The following EXTL1 variants were observed in gnomAD, a reference collection of about 807,000 sequenced individuals.
EXTL1 encodes exostosin like glycosyltransferase 1.
EXTL1 carries 43 observed loss-of-function variants against 64.6 expected under a neutral mutation model. The observed-to-expected ratio is 0.67, with a 90% CI of 0.52 to 0.86. The LOEUF is 0.86. Among genes scored for constraint, EXTL1 ranks in the 40% least tolerant of loss-of-function variants. The pLI is 0.00. For missense variants in EXTL1, 766 were observed against 879.0 expected (o/e 0.87, Z 1.62); for synonymous variants, 352 against 360.5 (o/e 0.98, Z 0.27).
chr1:26,030,330 C>CTTTT (rs1213800896), intron 3 of EXTL1, 146 bp from the exon 4 acceptor site: 67 of 381,858 alleles, frequency 1.8e-4, no homozygotes, highest in African/African-American at 7.9e-4. Flanking sequence ...CTGAATGCTT[C>CTTTT]TTTTTTTTTT....
At chr1:26,032,603 A>G in intron 7 of EXTL1, 118 bp downstream of exon 7, 1 of 682,194 alleles carries the variant, frequency 1.5e-6, no homozygotes, top group African/African-American at 1.8e-5. Flanking sequence ...GAAGAATGAC[A>G]CAGTAGGTTT....
chr1:26,030,671 C>A, intron 4 of EXTL1, 76 bp downstream of exon 4: 1 of 1,489,352 alleles, frequency 6.7e-7, no homozygotes, highest in Non-Finnish European at 9.0e-7. Context: ...TACTTCTCTG[C>A]CACAGTGTTT....
At chr1:26,032,560 A>G (rs2050299381) in intron 7 of EXTL1, 75 bp downstream of exon 7, 1 of 1,169,298 alleles carries the variant, frequency 8.6e-7, no homozygotes, top group Non-Finnish European at 1.2e-6. Flanking sequence ...GGGGTGTTTT[A>G]TGAATACTTG....
In EXTL1 at chr1:26,033,814, A is replaced by G; in HGVS notation, c.1637A>G (p.Asn546Ser). The change falls in exon 9 of 11, where the codon AAC (asparagine) becomes AGC (serine). Residue 546 changes from asparagine (N) to serine (S), a missense_variant. By Grantham distance (46) the Asn-to-Ser change is conservative (BLOSUM62 1). This residue lies in a region of EXTL1 where 194 missense variants were observed against 214.5 expected (regional missense o/e 0.90). Transcript: ENST00000374280. The surrounding 1 kb of genome is among the most constrained non-coding windows in gnomAD (Gnocchi z 5.1). The stretch of plus-strand genomic sequence containing the variant: ...TGGGGCTACACTGCTGAGAGGACCA[A>G]CGAATTCTCCATGGTTCTCACCACA... ...GGWGYTAERT[N>S]EFSMVLTTAA... The G allele has an allele frequency of 1.2e-6, 2 of 1,614,102 alleles. No individual in the cohort carries two copies. The highest frequency in any genetic ancestry group is 2.2e-5 in the East Asian group (1 of 44,880).
At position 26,035,703 on chromosome 1, in the gene EXTL1, T is replaced by C. The variant is rs2802315; in HGVS notation, c.*356T>C. On this transcript the variant is annotated 3_prime_UTR_variant, in exon 11 of 11. Coordinates refer to ENST00000374280, the MANE Select transcript of EXTL1 (RefSeq NM_004455.3). The surrounding 1 kb of genome is among the most constrained non-coding windows in gnomAD (Gnocchi z 5.3). Reference sequence around the variant, plus strand: ...TTCGGTCTCCTTTGCGCTTTCGCAGTCCAGTGTTTGCCGCGGTTCCCGCAC... The same window carrying C: ...TTCGGTCTCCTTTGCGCTTTCGCAGCCCAGTGTTTGCCGCGGTTCCCGCAC... The C allele has an allele frequency of 0.68, 151,555 of 221,412 alleles. 53,042 individuals carry two copies. The highest frequency in any genetic ancestry group is 0.9 in the East Asian group (9,385 of 10,484). The allele number at this position is 221,412 out of a possible 1,614,324, so 13.7% of individuals were successfully genotyped here. A position where few individuals can be genotyped will look rare whatever the true frequency, so the allele number is the denominator to read the frequency against.
chr1:26,034,768 G>A lies in EXTL1; in HGVS notation c.1680-68G>A. On this transcript the variant is annotated intron_variant, in intron 9 of 10. Transcript: ENST00000374280. This position sits in a 1 kb window ranked among gnomAD's most constrained non-coding sequence, Gnocchi z 4.6. ...GGGTCAAAGGGAGAGGTGAGGTCAG[G>A]AGGGAGGAGAATGGGGCCTGGGGAT... 6.6e-7 allele frequency: 1 copy of A among 1,517,020 alleles called. No individual in the cohort carries two copies. Among genetic ancestry groups the A allele is most frequent in the Non-Finnish European group, 9.1e-7 (1 of 1,104,688 alleles). 94.0% of individuals were successfully genotyped at this position (1,517,020 alleles called of 1,614,324 possible).
In EXTL1 at chr1:26,031,274, G is replaced by A; in HGVS notation, c.1234+10G>A. 1 of 1,612,484 alleles carries A rather than the reference G, an allele frequency of 6.2e-7. No individual in the cohort carries two copies. Among genetic ancestry groups the A allele is most frequent in the East Asian group, 2.2e-5 (1 of 44,858 alleles). ...TACTACCTGCAACAGGGTATGCCCTGGGGATGGGACAACCTGAAGTCCCCT... is the reference window on the plus strand; with the variant it reads ...TACTACCTGCAACAGGGTATGCCCTAGGGATGGGACAACCTGAAGTCCCCT... On this transcript the variant is annotated intron_variant, in intron 5 of 10. Transcript: ENST00000374280.
rs747367621 is a variant in EXTL1, at chr1:26,029,257, G to C, written c.844G>C (p.Ala282Pro). 6.2e-7 allele frequency: 1 copy of C among 1,613,834 alleles called. No homozygotes were observed. The highest frequency in any genetic ancestry group is 1.1e-5 in the South Asian group (1 of 91,072). ...CCTCATCTCTGGCCACCGTCCCGAG[G>C]CTGCCTCGCGCTTCCTCCAAGCCCT... ...FCLISGHRPE[A>P]ASRFLQALQA... Residue 282 changes from alanine to proline, a missense_variant, in exon 2 of 11, where the codon GCT becomes CCT. Transcript: ENST00000374280.
At position 26,023,354 on chromosome 1, in the gene EXTL1, G is replaced by A; in HGVS notation, c.708G>A (p.Trp236Ter). ...CCCTGGAAGAGGAGAGGGGTGGGTG[G>A]CGCACAGCAGACACTGGCTCCTCTG... Reference protein sequence around the residue: ...LLALEEERGGWRTADTGSSAC... With the variant: ...LLALEEERGG The change falls in exon 1 of 11, where the codon TGG becomes TGA. Residue 236 changes from tryptophan to a stop codon, truncating the protein, a stop_gained. Coordinates refer to ENST00000374280, the MANE Select transcript of EXTL1 (RefSeq NM_004455.3). LOFTEE classifies it high-confidence loss of function. 1 of 1,487,010 alleles carries A rather than the reference G, an allele frequency of 6.7e-7. No homozygotes were observed. Among genetic ancestry groups the A allele is most frequent in the South Asian group, 1.4e-5 (1 of 72,830 alleles). 92.1% of individuals were successfully genotyped at this position (1,487,010 alleles called of 1,614,324 possible). A position where few individuals can be genotyped will look rare whatever the true frequency, so the allele number is the denominator to read the frequency against.
At chr1:26,027,089 C>T (rs1346107807) in intron 1 of EXTL1, among the ~76,000 whole-genome samples, 3 of 152,200 alleles carry the variant, frequency 2.0e-5, no homozygotes, top group Non-Finnish European at 2.9e-5. Context: ...ACTGAGCATT[C>T]GGCAGCACCC....
intron 3 of EXTL1, 146 bp from the exon 4 acceptor site, chr1:26,030,330 C>CCTTT: frequency 2.6e-6 from 1 of 381,536 alleles, no homozygotes; most frequent in South Asian, 5.0e-5. Context: ...CTGAATGCTT[C>CCTTT]TTTTTTTTTT....
chr1:26,028,952 G>A (rs1303609489), intron 1 of EXTL1, among the ~76,000 whole-genome samples: 2 of 152,234 alleles, frequency 1.3e-5, no homozygotes, highest in African/African-American at 4.8e-5. Flanking sequence ...TGAGGGCAGA[G>A]GCAGAGCTAG....
chr1:26,022,463 G>T lies in EXTL1; in HGVS notation c.-184G>T. 1 of 537,920 alleles carries T rather than the reference G, an allele frequency of 1.9e-6. No individual in the cohort carries two copies. Among genetic ancestry groups the T allele is most frequent in the Non-Finnish European group, 3.3e-6 (1 of 302,456 alleles). 33.3% of individuals were successfully genotyped at this position (537,920 alleles called of 1,614,324 possible). A position where few individuals can be genotyped will look rare whatever the true frequency, so the allele number is the denominator to read the frequency against. Reference sequence around the variant, plus strand: ...CACCTGGCCTCCTCCTGCCTGGCTGGTGACTCACTATCTGACCTTAGACAG... The same window carrying T: ...CACCTGGCCTCCTCCTGCCTGGCTGTTGACTCACTATCTGACCTTAGACAG... On this transcript the variant is annotated 5_prime_UTR_variant, in exon 1 of 11. Coordinates refer to ENST00000374280, the MANE Select transcript of EXTL1 (RefSeq NM_004455.3).
Position 26,033,943 on chromosome 1 carries a change from C to A in EXTL1, c.1679+87C>A. 1 of 1,269,162 alleles carries A rather than the reference C, an allele frequency of 7.9e-7. No homozygotes were observed. Among genetic ancestry groups the A allele is most frequent in the Non-Finnish European group, 1.1e-6 (1 of 946,016 alleles). 78.6% of individuals were successfully genotyped at this position (1,269,162 alleles called of 1,614,324 possible). A position where few individuals can be genotyped will look rare whatever the true frequency, so the allele number is the denominator to read the frequency against. On this transcript the variant is annotated intron_variant, in intron 9 of 10. Transcript: ENST00000374280. This position sits in a 1 kb window ranked among gnomAD's most constrained non-coding sequence, Gnocchi z 5.1. ...CCCGAACGGAGCAGAGTGGCCTAGA[C>A]CCCAGGGATCCAGGTTCAAGGCCGA...
At position 26,035,039 on chromosome 1, in the gene EXTL1, G is replaced by T. The variant is rs1569679420; in HGVS notation, c.1848+35G>T. On this transcript the variant is annotated intron_variant, in intron 10 of 10. Coordinates refer to ENST00000374280, the MANE Select transcript of EXTL1 (RefSeq NM_004455.3). This position sits in a 1 kb window ranked among gnomAD's most constrained non-coding sequence, Gnocchi z 5.3. ...GAGGGGGATTGGTCGGAACTGGCAG[G>T]GATTGGGCGGGGATGCCGGAGAGGA... The T allele has an allele frequency of 3.7e-6, 6 of 1,609,942 alleles. No homozygotes were observed. In the East Asian group the frequency reaches 1.3e-4, roughly 36 times the overall value.
chr1:26,033,414 A>G lies in EXTL1; in HGVS notation c.1518+99A>G. On this transcript the variant is annotated intron_variant, in intron 8 of 10. Coordinates refer to ENST00000374280, the MANE Select transcript of EXTL1 (RefSeq NM_004455.3). This position sits in a 1 kb window ranked among gnomAD's most constrained non-coding sequence, Gnocchi z 5.1. ...CCCAGGGTTGAGGGGACCCCAGGTC[A>G]TGAGGTCCAGCCTCTTGCATTTGAA... 9.6e-7 allele frequency: 1 copy of G among 1,046,992 alleles called. No individual in the cohort carries two copies. The highest frequency in any genetic ancestry group is 1.5e-6 in the Non-Finnish European group (1 of 675,044). The allele number at this position is 1,046,992 out of a possible 1,614,324, so 64.9% of individuals were successfully genotyped here.
intron 5 of EXTL1, 78 bp from the exon 6 acceptor site, chr1:26,031,382 C>A: frequency 1.4e-6 from 2 of 1,394,532 alleles, no homozygotes; most frequent in Non-Finnish European, 9.8e-7. Flanking sequence ...TCCTGGCCCC[C>A]GGGGATTCCC....
At chr1:26,023,517 G>C in intron 1 of EXTL1, 92 bp downstream of exon 1, 1 of 1,301,472 alleles carries the variant, frequency 7.7e-7, no homozygotes, top group Non-Finnish European at 1.0e-6. Context: ...ACTGAGATGG[G>C]AGAACCAGGT....
intron 1 of EXTL1, among the ~76,000 whole-genome samples, chr1:26,028,648 C>T (rs1482700252): frequency 6.7e-6 from 1 of 148,954 alleles, no homozygotes; most frequent in Admixed American, 6.8e-5. Flanking sequence ...GGAGCCTGTC[C>T]TCTGGGCCAG....
Sources: allele counts gnomAD v4.1 joint callset (sites outside exome capture counted in the v4.1 genomes callset), GRCh38; gene constraint gnomAD v4.1.1; regional missense constraint gnomAD v4.1.1; non-coding constraint Gnocchi (gnomAD v3.1); transcripts MANE v1.5; gene names NCBI Gene and HGNC (gene_info 2026-07-23, HGNC 2026-07-21).